Variants in THSD4 observed in about 807,000 individuals in gnomAD.
THSD4 encodes the protein thrombospondin type-1 domain-containing protein 4.
A neutral mutation model predicts 119.0 loss-of-function variants in THSD4; 69 were observed. The observed-to-expected ratio is 0.58, with a 90% CI of 0.48 to 0.71. The LOEUF is 0.71. Ranked by LOEUF, THSD4 falls within the 30% of genes least tolerant of loss-of-function variation. The pLI, the probability that THSD4 is intolerant of heterozygous loss-of-function variation, is 0.00. For synonymous variants in THSD4, 524 were observed against 540.4 expected (o/e 0.97, Z 0.42); for missense variants, 1,393 against 1,391.1 (o/e 1.00, Z -0.02).
chr15:71,763,103 C>T (rs559824984), intron 15 of THSD4, among the ~76,000 whole-genome samples: 1 of 152,058 alleles, frequency 6.6e-6, no homozygotes, highest in East Asian at 1.9e-4. Context: ...AAAAAAATCC[C>T]GTAGTTTTTT....
chr15:71,283,886 G>A (rs939418710), intron 6 of THSD4, among the ~76,000 whole-genome samples: 1 of 152,172 alleles, frequency 6.6e-6, no homozygotes, highest in Non-Finnish European at 1.5e-5. Context: ...GCCCAGGGAT[G>A]GTAAATGGAG....
intron 6 of THSD4, chr15:71,348,620 C>T (rs1431045827): frequency 6.6e-6 from 1 of 152,220 alleles, no homozygotes; most frequent in Non-Finnish European, 1.5e-5. Flanking sequence ...AGGGACAACT[C>T]TCTGTTTTAT....
At chr15:71,588,122 T>C (rs963629581) in intron 7 of THSD4, among the ~76,000 whole-genome samples, 1 of 150,504 alleles carries the variant, frequency 6.6e-6, no homozygotes, top group Non-Finnish European at 1.5e-5. Flanking sequence ...CTGGCTAACA[T>C]GGTGAAACCC....
intron 3 of THSD4, among the ~76,000 whole-genome samples, chr15:71,194,265 T>C (rs2043701034): frequency 6.6e-6 from 1 of 152,236 alleles, no homozygotes; most frequent in Non-Finnish European, 1.5e-5. Context: ...GTTCTGTTTC[T>C]TCTGTCCAAT....
At chr15:71,199,513 T>G (rs1176969992) in intron 3 of THSD4, among the ~76,000 whole-genome samples, 243 of 106,120 alleles carry the variant, frequency 2.3e-3, no homozygotes, top group East Asian at 0.017. Context: ...TGTGTGTGTG[T>G]GGGGTGTGTG....
At chr15:71,691,032 A>G (rs1054167773) in intron 8 of THSD4, among the ~76,000 whole-genome samples, 6 of 152,222 alleles carry the variant, frequency 3.9e-5, no homozygotes, top group African/African-American at 1.2e-4. Context: ...CAGTGTAACC[A>G]CAAGGGTCCT....
At chr15:71,592,519 T>A (rs914042162) in intron 7 of THSD4, among the ~76,000 whole-genome samples, 1 of 152,068 alleles carries the variant, frequency 6.6e-6, no homozygotes, top group Non-Finnish European at 1.5e-5. Flanking sequence ...TCCTGGGTAG[T>A]TGGGTTCTGG....
intron 8 of THSD4, among the ~76,000 whole-genome samples, chr15:71,715,544 T>G (rs1003901804): frequency 6.6e-6 from 1 of 152,208 alleles, no homozygotes; most frequent in Non-Finnish European, 1.5e-5. Flanking sequence ...TGTTTATATT[T>G]TTTTTAATGA....
At chr15:71,493,219 C>CG (rs2047950389) in intron 7 of THSD4, among the ~76,000 whole-genome samples, 1 of 152,208 alleles carries the variant, frequency 6.6e-6, no homozygotes, top group Non-Finnish European at 1.5e-5. Flanking sequence ...GTGAGAATGG[C>CG]GGATTTTTTT....
At chr15:71,356,801 G>T (rs1303605402) in intron 6 of THSD4, among the ~76,000 whole-genome samples, 4 of 152,060 alleles carry the variant, frequency 2.6e-5, no homozygotes, top group African/African-American at 9.7e-5. Context: ...ACCTGGATCT[G>T]CTGTCTTCTC....
chr15:71,434,704 C>A (rs867509298), intron 7 of THSD4, among the ~76,000 whole-genome samples: 1 of 151,882 alleles, frequency 6.6e-6, no homozygotes. Flanking sequence ...CAAAAGAGAA[C>A]GGAGAAGCTT....
intron 7 of THSD4, among the ~76,000 whole-genome samples, chr15:71,651,413 C>A (rs1392878733): frequency 6.6e-6 from 1 of 152,190 alleles, no homozygotes; most frequent in African/African-American, 2.4e-5. Flanking sequence ...AGCTCTTCAG[C>A]CTGCCATTTC....
Position 71,416,496 on chromosome 15 carries a change from T to C in THSD4, c.1152+4673T>C, listed in dbSNP as rs1220445859. Among the ~76,000 whole-genome samples, 2 of 107,906 alleles carry C rather than the reference T, an allele frequency of 1.9e-5. 1 individual carries two copies. The highest frequency in any genetic ancestry group is 4.1e-5 in the Non-Finnish European group (2 of 49,144). 70.8% of individuals were successfully genotyped at this position (107,906 alleles called of 152,430 possible). ...TACTCTACATCCTCACCATCATTTG[T>C]TATTGCCTCACTTTTAGTAAGTTAT... On this transcript the variant is annotated intron_variant, in intron 7 of 17. Coordinates refer to ENST00000261862, the MANE Select transcript of THSD4 (RefSeq NM_024817.3).
rs531350128 is a variant in THSD4 at position 71,128,993 on chromosome 15, G to T, written c.-79-12456G>T. ...AGGCTGGTGGAGGAGGCTGGTGGAG[G>T]ATGGAGAAGAAAGTACATGAGAGAT... On this transcript the variant is annotated intron_variant, in intron 1 of 17. Coordinates refer to ENST00000261862, the MANE Select transcript of THSD4 (RefSeq NM_024817.3). 2.0e-5 allele frequency among the ~76,000 whole-genome samples: 3 copies of T among 152,296 alleles called. No homozygotes were observed. The South Asian group carries it at 6.2e-4, about 32-fold the overall frequency.
At chr15:71,679,388 A>G (rs2051722743) in intron 8 of THSD4, among the ~76,000 whole-genome samples, 2 of 152,226 alleles carry the variant, frequency 1.3e-5, no homozygotes, top group Non-Finnish European at 2.9e-5. Context: ...ACTCAGCTGC[A>G]CAGTGAGAAA....
chr15:71,544,424 G>A lies in THSD4; in HGVS notation c.1153-116106G>A, dbSNP rs184215736. 3.3e-3 allele frequency among the ~76,000 whole-genome samples: 505 copies of A among 152,314 alleles called. 2 individuals are homozygous for A. Among genetic ancestry groups the A allele is most frequent in the African/African-American group, 0.012 (493 of 41,564 alleles). The stretch of plus-strand genomic sequence containing the variant: ...GAAATCTAGAGCCATAGCCCTGGAA[G>A]CTATGGAAAGAGAGTGGTTCAAACA... On this transcript the variant is annotated intron_variant, in intron 7 of 17. Transcript: ENST00000261862.
intron 14 of THSD4, 32 bp from the exon 15 acceptor site, chr15:71,757,869 TC>T: frequency 6.2e-7 from 1 of 1,610,362 alleles, no homozygotes; most frequent in African/African-American, 1.3e-5. Flanking sequence ...TGCCAGGGCC[TC>T]CTGACTAATG....
intron 3 of THSD4, among the ~76,000 whole-genome samples, chr15:71,193,855 C>T (rs368637335): frequency 5.7e-4 from 87 of 152,234 alleles, no homozygotes; most frequent in African/African-American, 1.2e-3. Flanking sequence ...GGACTACAGG[C>T]GCCCGCCGCC....
intron 8 of THSD4, among the ~76,000 whole-genome samples, chr15:71,711,186 C>T (rs971073922): frequency 1.2e-4 from 18 of 150,538 alleles, no homozygotes; most frequent in Non-Finnish European, 2.1e-4. Flanking sequence ...CTTGAAGGAC[C>T]TTTATTTTGT....
Sources: allele counts gnomAD v4.1 joint callset (sites outside exome capture counted in the v4.1 genomes callset), GRCh38; gene constraint gnomAD v4.1.1; transcripts MANE v1.5; gene names NCBI Gene and HGNC (gene_info 2026-07-23, HGNC 2026-07-21).